The following ATP8A1 variants were observed in gnomAD, a reference collection of about 807,000 sequenced individuals.
ATP8A1 encodes ATPase phospholipid transporting 8A1, also known as phospholipid-transporting ATPase IA.
ATP8A1 carries 90 observed loss-of-function variants against 177.7 expected under a neutral mutation model. The observed-to-expected ratio is 0.51, with a 90% CI of 0.43 to 0.60. The LOEUF is 0.60. ATP8A1 is among the 20% of genes least tolerant of loss of function. The pLI is 0.00. For missense variants in ATP8A1, 1,072 were observed against 1,392.8 expected, an observed-to-expected ratio of 0.77 and a Z score of 3.67; for synonymous variants, 493 against 485.9, an observed-to-expected ratio of 1.01 and a Z score of -0.19.
intron 8 of ATP8A1, among the ~76,000 whole-genome samples, chr4:42,587,100 C>T (rs1388671475): frequency 6.6e-6 from 1 of 152,126 alleles, no homozygotes; most frequent in Non-Finnish European, 1.5e-5. Context: ...ACTTTAAAAA[C>T]TTTACAGTTA....
chr4:42,548,951 G>A (rs75872025), intron 19 of ATP8A1, 62 bp downstream of exon 19: 2 of 1,333,828 alleles, frequency 1.5e-6, no homozygotes, highest in Non-Finnish European at 2.1e-6. Context: ...ATTCAAAAGG[G>A]AAAAAATAAA....
intron 18 of ATP8A1, among the ~76,000 whole-genome samples, chr4:42,550,320 G>C (rs4444865): frequency 6.6e-6 from 1 of 151,540 alleles, no homozygotes; most frequent in Non-Finnish European, 1.5e-5. Context: ...TTGTGAGACT[G>C]TATCACAATT....
In ATP8A1 at chr4:42,576,333, G is replaced by A. The variant is rs148877051; in HGVS notation, c.1129-634C>T. On this transcript the variant is annotated intron_variant, in intron 12 of 36. Coordinates refer to ENST00000381668, the MANE Select transcript of ATP8A1 (RefSeq NM_006095.2). ...AAAAAAAAATACAAAAAAATCAGCC[G>A]GGAGTGGTGGCAGGCACCTGCAGTC... Among the ~76,000 whole-genome samples the A allele has an allele frequency of 5.3e-3, 805 of 151,756 alleles. 6 individuals carry two copies. The highest frequency in any genetic ancestry group is 0.018 in the African/African-American group (744 of 41,398).
chr4:42,556,216 T>C (rs1410411143), intron 15 of ATP8A1, 176 bp from the exon 16 acceptor site: 7 of 429,850 alleles, frequency 1.6e-5, no homozygotes, highest in East Asian at 7.1e-5. Context: ...TCACAAAATA[T>C]ATTCAAGCAT....
intron 33 of ATP8A1, among the ~76,000 whole-genome samples, chr4:42,430,938 GCACCCCACCC>G (rs1715221046): frequency 6.6e-6 from 1 of 151,618 alleles, no homozygotes. Flanking sequence ...ATTGAAAACA[GCACCCCACCC>G]CACCCCATCC....
Position 42,412,111 on chromosome 4 carries a change from T to C in ATP8A1, c.*805A>G, listed in dbSNP as rs1423991951. The C allele has an allele frequency of 6.6e-6, 1 of 152,176 alleles. No individual in the cohort carries two copies. Among genetic ancestry groups the C allele is most frequent in the Non-Finnish European group, 1.5e-5 (1 of 68,028 alleles). The allele number at this position is 152,176 out of a possible 1,614,324, so 9.4% of individuals were successfully genotyped here. The stretch of plus-strand genomic sequence containing the variant: ...TCATCAGAAATACCTGAAACATACA[T>C]AGTTTGAAAAATCAGTGTCATAACA... On this transcript the variant is annotated 3_prime_UTR_variant, in exon 37 of 37. Transcript: ENST00000381668.
At chr4:42,422,105 T>C (rs1380342561) in intron 35 of ATP8A1, among the ~76,000 whole-genome samples, 3 of 152,180 alleles carry the variant, frequency 2.0e-5, no homozygotes, top group Admixed American at 2.0e-4. Context: ...TATTTTTTTT[T>C]CTGAGATGGA....
intron 4 of ATP8A1, among the ~76,000 whole-genome samples, chr4:42,623,692 T>C (rs1396619617): frequency 2.6e-5 from 4 of 151,864 alleles, no homozygotes; most frequent in Admixed American, 6.6e-5. Context: ...CTGAGGCGCA[T>C]TGGAGGGTGG....
At chr4:42,500,046 A>G (rs1274928583) in intron 24 of ATP8A1, among the ~76,000 whole-genome samples, 1 of 152,226 alleles carries the variant, frequency 6.6e-6, no homozygotes, top group Non-Finnish European at 1.5e-5. Context: ...CAGTATTTTG[A>G]AATTTCTGCC....
At chr4:42,604,227 T>A (rs931569560) in intron 5 of ATP8A1, among the ~76,000 whole-genome samples, 16 of 152,202 alleles carry the variant, frequency 1.1e-4, no homozygotes, top group African/African-American at 2.7e-4. Context: ...CACCCAGTCC[T>A]TCCTCCTCAC....
intron 20 of ATP8A1, among the ~76,000 whole-genome samples, chr4:42,539,102 C>T (rs968885338): frequency 2.0e-5 from 3 of 152,064 alleles, no homozygotes; most frequent in Non-Finnish European, 2.9e-5. Flanking sequence ...TAATGGCACT[C>T]GCAACAACCT....
chr4:42,524,465 G>A (rs1476107251), intron 21 of ATP8A1, among the ~76,000 whole-genome samples: 12 of 149,462 alleles, frequency 8.0e-5, no homozygotes, highest in Admixed American at 2.0e-4. Context: ...TGAATTGCTC[G>A]AGATACAAAG....
chr4:42,493,055 G>A (rs1024051381), intron 24 of ATP8A1, among the ~76,000 whole-genome samples: 3 of 152,202 alleles, frequency 2.0e-5, no homozygotes, highest in East Asian at 1.9e-4. Flanking sequence ...AGACACATGC[G>A]AATTACCAGA....
intron 1 of ATP8A1, among the ~76,000 whole-genome samples, chr4:42,654,380 T>C (rs1157504949): frequency 6.6e-6 from 1 of 152,124 alleles, no homozygotes; most frequent in Non-Finnish European, 1.5e-5. Flanking sequence ...CCAATCTGGA[T>C]GAAGGGAACA....
chr4:42,451,865 G>A, intron 30 of ATP8A1, 116 bp downstream of exon 30: 1 of 693,874 alleles, frequency 1.4e-6, no homozygotes, highest in Non-Finnish European at 2.2e-6. Flanking sequence ...TGCATTTTAG[G>A]TTAAGAGAAA....
intron 30 of ATP8A1, among the ~76,000 whole-genome samples, chr4:42,448,392 C>CTTACTTTACTTT (rs1560335169): frequency 3.0e-4 from 6 of 19,934 alleles, no homozygotes; most frequent in African/African-American, 4.8e-4. Context: ...CCCTCCTTCT[C>CTTACTTTACTTT]TTTCTTTTCT....
At position 42,588,324 on chromosome 4, in the gene ATP8A1, G is replaced by A; in HGVS notation, c.530C>T (p.Pro177Leu). The change falls in exon 8 of 37, where the codon CCC becomes CTC. Residue 177 changes from proline (P) to leucine (L), a missense_variant. By Grantham distance (98) the Pro-to-Leu change is moderately conservative. This residue lies in a region of ATP8A1 where 344 missense variants were observed against 393.5 expected (regional missense o/e 0.87). Coordinates refer to ENST00000381668, the MANE Select transcript of ATP8A1 (RefSeq NM_006095.2). ...TGTTTCAATGTAGCACATGGCTTGG[G>A]GCTCACTGTAGTTTGGAGTTGAGAA... Reference protein sequence around the residue: ...ADLISLSSSEPQAMCYIETSN... With the variant: ...ADLISLSSSELQAMCYIETSN... The A allele has an allele frequency of 6.2e-7, 1 of 1,613,002 alleles. No homozygotes were observed. The highest frequency in any genetic ancestry group is 8.5e-7 in the Non-Finnish European group (1 of 1,179,548).
intron 27 of ATP8A1, among the ~76,000 whole-genome samples, chr4:42,457,401 T>C (rs1161942143): frequency 6.6e-6 from 1 of 152,176 alleles, no homozygotes; most frequent in Non-Finnish European, 1.5e-5. Flanking sequence ...TGATCTATTG[T>C]AGTAATTCAT....
intron 30 of ATP8A1, among the ~76,000 whole-genome samples, chr4:42,450,904 A>G (rs1717863371): frequency 6.6e-6 from 1 of 152,216 alleles, no homozygotes; most frequent in Non-Finnish European, 1.5e-5. Flanking sequence ...TACCATGAAG[A>G]CATACAGGCT....
Sources: allele counts gnomAD v4.1 joint callset (sites outside exome capture counted in the v4.1 genomes callset), GRCh38; gene constraint gnomAD v4.1.1; regional missense constraint gnomAD v4.1.1; transcripts MANE v1.5; gene names NCBI Gene and HGNC (gene_info 2026-07-23, HGNC 2026-07-21).